The following AKAP13 variants were observed in gnomAD, a reference collection of about 807,000 sequenced individuals.
The protein encoded by AKAP13 is A-kinase anchor protein 13.
In AKAP13, 80 loss-of-function variants were observed where a neutral mutation model predicts 264.5. The ratio of observed to expected loss-of-function variants is 0.30; its 90% CI spans 0.25 to 0.36. AKAP13 has a LOEUF of 0.36. Among genes scored for constraint, AKAP13 ranks in the 10% least tolerant of loss-of-function variants. The probability of loss-of-function intolerance (pLI) is 1.00; values close to 1 mark genes in which losing one functional copy is unlikely to be tolerated. For missense variants in AKAP13, 3,712 were observed against 3,435.2 expected (o/e 1.08, Z -2.01); for synonymous variants, 1,380 against 1,250.2 (o/e 1.10, Z -2.19).
intron 1 of AKAP13, among the ~76,000 whole-genome samples, chr15:85,441,201 A>G (rs992369365): frequency 6.6e-6 from 1 of 150,732 alleles, no homozygotes; most frequent in East Asian, 1.9e-4. Context: ...TGGTATTTTT[A>G]ATCTTTTTTT....
At chr15:85,714,916 A>G (rs539661478) in intron 19 of AKAP13, among the ~76,000 whole-genome samples, 1 of 152,234 alleles carries the variant, frequency 6.6e-6, no homozygotes, top group South Asian at 2.1e-4. Flanking sequence ...GCAGTGAGCC[A>G]AGATCGCGCC....
At chr15:85,455,568 G>A (rs186518921) in intron 1 of AKAP13, among the ~76,000 whole-genome samples, 29 of 152,008 alleles carry the variant, frequency 1.9e-4, no homozygotes, top group Non-Finnish European at 1.5e-5. Flanking sequence ...ATAACATAGG[G>A]GATTTGGGCA....
chr15:85,551,165 CT>C (rs2077949812), intron 5 of AKAP13, among the ~76,000 whole-genome samples: 1 of 152,104 alleles, frequency 6.6e-6, no homozygotes, highest in African/African-American at 2.4e-5. Context: ...TTCTCAGTGC[CT>C]TTTTTTCCCC....
At chr15:85,688,265 T>A (rs887170067) in intron 16 of AKAP13, among the ~76,000 whole-genome samples, 5 of 152,184 alleles carry the variant, frequency 3.3e-5, no homozygotes, top group African/African-American at 9.6e-5. Context: ...TTCTCCATAA[T>A]GTTAACAAAT....
intron 8 of AKAP13, among the ~76,000 whole-genome samples, chr15:85,592,322 G>T (rs1216315563): frequency 6.6e-6 from 1 of 152,114 alleles, no homozygotes; most frequent in African/African-American, 2.4e-5. Flanking sequence ...TTTGTATTGT[G>T]TGGCTGTTCA....
chr15:85,492,924 T>C (rs1406336670), intron 2 of AKAP13, among the ~76,000 whole-genome samples: 2 of 152,220 alleles, frequency 1.3e-5, no homozygotes, highest in Non-Finnish European at 2.9e-5. Context: ...ATCTACATAA[T>C]TTATCTGTTC....
chr15:85,722,953 C>G (rs1194322843), intron 25 of AKAP13, 119 bp from the exon 26 acceptor site: 3 of 1,356,106 alleles, frequency 2.2e-6, no homozygotes, highest in East Asian at 2.3e-5. Flanking sequence ...GTGTTGGCTT[C>G]CCTCTGATAG....
chr15:85,573,495 AG>A (rs945593396), intron 5 of AKAP13, among the ~76,000 whole-genome samples: 38 of 152,040 alleles, frequency 2.5e-4, no homozygotes, highest in African/African-American at 9.2e-4. Flanking sequence ...CATTGAGCCA[AG>A]ATCGCACCAC....
intron 1 of AKAP13, among the ~76,000 whole-genome samples, chr15:85,480,554 T>C (rs1003773016): frequency 2.0e-5 from 3 of 151,990 alleles, no homozygotes; most frequent in African/African-American, 4.8e-5. Context: ...TTGAATTTGA[T>C]TTATTGTCTA....
intron 1 of AKAP13, among the ~76,000 whole-genome samples, chr15:85,383,069 GT>G (rs1010554684): frequency 1.3e-5 from 2 of 150,468 alleles, no homozygotes; most frequent in Non-Finnish European, 1.5e-5. Context: ...AATTATTATT[GT>G]TTTTTTTTAG....
At chr15:85,524,399 C>T (rs2076943859) in intron 3 of AKAP13, among the ~76,000 whole-genome samples, 1 of 152,104 alleles carries the variant, frequency 6.6e-6, no homozygotes, top group African/African-American at 2.4e-5. Context: ...TGGTCTTGAA[C>T]TCCTGACCTC....
intron 3 of AKAP13, among the ~76,000 whole-genome samples, chr15:85,527,978 CT>C (rs1383662172): frequency 1.3e-5 from 2 of 152,108 alleles, no homozygotes; most frequent in Admixed American, 6.5e-5. Context: ...CCAGCAAACA[CT>C]TTTAGGGTTT....
At chr15:85,722,197 G>T in intron 24 of AKAP13, 33 bp from the exon 25 acceptor site, 1 of 1,608,836 alleles carries the variant, frequency 6.2e-7, no homozygotes, top group Admixed American at 1.7e-5. Context: ...CCTTTTTCAT[G>T]TGATTCCTCA....
At chr15:85,388,065 C>T (rs563074006) in intron 1 of AKAP13, among the ~76,000 whole-genome samples, 26 of 148,874 alleles carry the variant, frequency 1.7e-4, no homozygotes, top group Middle Eastern at 7.0e-3. Context: ...GATAGAGACT[C>T]GCTCTGTCAC....
intron 12 of AKAP13, among the ~76,000 whole-genome samples, chr15:85,660,352 CAAAAAAAA>C (rs35636118): frequency 2.0e-4 from 14 of 68,562 alleles, no homozygotes; most frequent in South Asian, 8.8e-4. Flanking sequence ...ATCTAAGTCT[CAAAAAAAA>C]AAAAAAAAAA....
intron 1 of AKAP13, among the ~76,000 whole-genome samples, chr15:85,474,917 A>T (rs1038373): frequency 0.017 from 2,540 of 152,320 alleles, 28 homozygotes; most frequent in African/African-American, 0.025. Flanking sequence ...TTCGATAGTC[A>T]CATAACGTGT....
intron 17 of AKAP13, among the ~76,000 whole-genome samples, chr15:85,704,881 G>A (rs113368297): frequency 0.028 from 4,194 of 152,234 alleles, 100 homozygotes; most frequent in Non-Finnish European, 0.036. Flanking sequence ...TGTCAGTGGG[G>A]CTGAAGTTTC....
At chr15:85,631,444 C>G (rs2081799011) in intron 8 of AKAP13, among the ~76,000 whole-genome samples, 1 of 151,530 alleles carries the variant, frequency 6.6e-6, no homozygotes, top group Non-Finnish European at 1.5e-5. Context: ...AATTACATCT[C>G]AATAAGGATG....
At chr15:85,541,715 T>C (rs986662822) in intron 4 of AKAP13, among the ~76,000 whole-genome samples, 2 of 152,212 alleles carry the variant, frequency 1.3e-5, no homozygotes, top group Non-Finnish European at 2.9e-5. Context: ...CCAGACCTCA[T>C]AGGGTTACTG....
Sources: gnomAD v4.1 joint callset for allele counts (sites outside exome capture counted in the v4.1 genomes callset) on GRCh38, gnomAD v4.1.1 for gene constraint, MANE v1.5 for transcripts, NCBI Gene and HGNC (gene_info 2026-07-23, HGNC 2026-07-21) for gene names.